The following THSD7B variants were observed in gnomAD, a reference collection of about 807,000 sequenced individuals.
The protein encoded by THSD7B is thrombospondin type-1 domain-containing protein 7B.
In THSD7B, 138 loss-of-function variants were observed where a neutral mutation model predicts 213.6. The ratio of observed to expected loss-of-function variants is 0.65; its 90% CI spans 0.56 to 0.74. The LOEUF (loss-of-function observed/expected upper bound fraction) is 0.74, where lower values mean the gene tolerates loss of function less well. Ranked by LOEUF, THSD7B falls within the 30% of genes least tolerant of loss-of-function variation. THSD7B has a pLI of 0.00. For missense variants in THSD7B, 1,931 were observed against 1,991.5 expected, an observed-to-expected ratio of 0.97 and a Z score of 0.58; for synonymous variants, 742 against 687.0, an observed-to-expected ratio of 1.08 and a Z score of -1.25.
rs577007138 is a variant in THSD7B at position 137,241,078 on chromosome 2, T to C, written c.2151-1379T>C. On this transcript the variant is annotated intron_variant, in intron 9 of 27. Transcript: ENST00000409968. ...TGTCTCCATGAAGCTTTGGGTCCAT[T>C]ACTTATTTCAACATCTCAGCTTATC... is the stretch of plus-strand genomic sequence containing the variant. Among the ~76,000 whole-genome samples, 192 of 152,206 alleles carry C rather than the reference T, an allele frequency of 1.3e-3. 1 individual carries two copies. Among genetic ancestry groups the C allele is most frequent in the Non-Finnish European group, 2.2e-3 (148 of 68,038 alleles).
chr2:137,602,274 TTTGTATTA>T (rs1457201813), intron 17 of THSD7B, among the ~76,000 whole-genome samples: 3 of 152,160 alleles, frequency 2.0e-5, no homozygotes, highest in African/African-American at 4.8e-5. Flanking sequence ...TGTTTTTGTT[TTTGTATTA>T]TTTTTTAAGA....
chr2:137,447,709 A>C (rs1483704706), intron 14 of THSD7B, among the ~76,000 whole-genome samples: 1 of 151,830 alleles, frequency 6.6e-6, no homozygotes, highest in Non-Finnish European at 1.5e-5. Context: ...CTCTCTTGTC[A>C]ATGACTAGTA....
At chr2:136,887,534 T>A (rs1683740385) in intron 2 of THSD7B, among the ~76,000 whole-genome samples, 1 of 152,082 alleles carries the variant, frequency 6.6e-6, no homozygotes, top group South Asian at 2.1e-4. Context: ...CTTGCTTTAT[T>A]AGTTCCTGAG....
chr2:137,444,316 G>A (rs1035480653), intron 14 of THSD7B, among the ~76,000 whole-genome samples: 2 of 151,908 alleles, frequency 1.3e-5, no homozygotes, highest in African/African-American at 2.4e-5. Context: ...TTAAGTAAGC[G>A]TTTAACACTG....
At chr2:136,980,078 C>T (rs951377949) in intron 2 of THSD7B, among the ~76,000 whole-genome samples, 14 of 152,114 alleles carry the variant, frequency 9.2e-5, no homozygotes, top group African/African-American at 3.1e-4. Context: ...ACCTGGGTCT[C>T]TCCTGCACCT....
At chr2:137,415,319 A>G (rs769101970) in intron 14 of THSD7B, among the ~76,000 whole-genome samples, 3 of 152,216 alleles carry the variant, frequency 2.0e-5, no homozygotes, top group Non-Finnish European at 4.4e-5. Flanking sequence ...ACACAACTCC[A>G]TAAATTCTGA....
intron 10 of THSD7B, among the ~76,000 whole-genome samples, chr2:137,252,164 G>A (rs1431719473): frequency 6.6e-6 from 1 of 151,308 alleles, no homozygotes; most frequent in African/African-American, 2.4e-5. Context: ...CTACTCGTGA[G>A]GCTGAGTCAG....
At chr2:136,783,825 C>T (rs1353521058) in intron 1 of THSD7B, among the ~76,000 whole-genome samples, 1 of 152,150 alleles carries the variant, frequency 6.6e-6, no homozygotes, top group Admixed American at 6.5e-5. Flanking sequence ...GTTTCATCAC[C>T]TCCTTTTCAA....
chr2:136,918,998 A>G (rs959462141), intron 2 of THSD7B, among the ~76,000 whole-genome samples: 1 of 152,174 alleles, frequency 6.6e-6, no homozygotes, highest in East Asian at 1.9e-4. Context: ...TATACCTCAG[A>G]TCCTCCTTGT....
chr2:137,520,461 G>A (rs1307428696), intron 15 of THSD7B, among the ~76,000 whole-genome samples: 5 of 152,150 alleles, frequency 3.3e-5, no homozygotes, highest in Non-Finnish European at 7.4e-5. Context: ...AGAAAATTAG[G>A]CATAAGTGAA....
intron 5 of THSD7B, among the ~76,000 whole-genome samples, chr2:137,149,704 C>T (rs964119141): frequency 1.3e-4 from 20 of 152,334 alleles, no homozygotes; most frequent in African/African-American, 4.8e-4. Context: ...GGATTTCAGA[C>T]TTGCATGGGG....
Position 137,385,201 on chromosome 2 carries a change from G to T in THSD7B, c.2501-20412G>T, listed in dbSNP as rs74678510. 9.1e-3 allele frequency among the ~76,000 whole-genome samples: 1,390 copies of T among 152,280 alleles called. 19 individuals carry two copies. The highest frequency in any genetic ancestry group is 0.031 in the African/African-American group (1,284 of 41,570). On this transcript the variant is annotated intron_variant, in intron 12 of 27. Transcript: ENST00000409968. ...GAAAAGGAATATTTTAAACAAGAAA[G>T]AAACTAATTAAAATGGCCAGAACTG...
At chr2:137,148,695 G>A (rs1209636961) in intron 5 of THSD7B, among the ~76,000 whole-genome samples, 2 of 152,154 alleles carry the variant, frequency 1.3e-5, no homozygotes, top group African/African-American at 2.4e-5. Flanking sequence ...TATGCAAAGA[G>A]ACTAGTGGCA....
chr2:137,160,906 G>A (rs988994562), intron 6 of THSD7B, among the ~76,000 whole-genome samples: 2 of 152,168 alleles, frequency 1.3e-5, no homozygotes, highest in African/African-American at 4.8e-5. Flanking sequence ...ACAGGCGTGA[G>A]CCACTGTGCC....
chr2:137,151,718 TAATTG>T (rs376853927), intron 5 of THSD7B, among the ~76,000 whole-genome samples: 51 of 152,290 alleles, frequency 3.3e-4, no homozygotes, highest in African/African-American at 1.1e-3. Flanking sequence ...ATATTGTACA[TAATTG>T]TATGTGCTGT....
intron 17 of THSD7B, among the ~76,000 whole-genome samples, chr2:137,593,937 C>T (rs1324568269): frequency 6.6e-6 from 1 of 151,836 alleles, no homozygotes; most frequent in Non-Finnish European, 1.5e-5. Context: ...ATCTCAAATA[C>T]ATTATGTATG....
At chr2:137,101,954 C>T (rs1026205661) in intron 4 of THSD7B, among the ~76,000 whole-genome samples, 1 of 152,202 alleles carries the variant, frequency 6.6e-6, no homozygotes, top group Non-Finnish European at 1.5e-5. Flanking sequence ...GGCGCAGCTG[C>T]GGTCACAGCT....
intron 7 of THSD7B, among the ~76,000 whole-genome samples, chr2:137,221,181 G>T (rs1409722161): frequency 1.3e-5 from 2 of 152,148 alleles, no homozygotes; most frequent in African/African-American, 4.8e-5. Context: ...CAGCTATTCG[G>T]GAGGCTGAGG....
At chr2:137,399,807 T>C (rs903405768) in intron 12 of THSD7B, among the ~76,000 whole-genome samples, 4 of 152,142 alleles carry the variant, frequency 2.6e-5, no homozygotes, top group Non-Finnish European at 5.9e-5. Flanking sequence ...TCTTTATTTT[T>C]CTTCTCCCTC....
Sources: allele counts gnomAD v4.1 joint callset (sites outside exome capture counted in the v4.1 genomes callset), GRCh38; gene constraint gnomAD v4.1.1; transcripts MANE v1.5; gene names NCBI Gene and HGNC (gene_info 2026-07-23, HGNC 2026-07-21).